KIF11: variants seen among roughly 807,000 people sequenced by gnomAD.
KIF11 encodes kinesin-like protein KIF11.
KIF11 carries 9 observed loss-of-function variants against 121.0 expected under a neutral mutation model. That is an observed-to-expected ratio of 0.07 (90% CI 0.04 to 0.13). The LOEUF (loss-of-function observed/expected upper bound fraction) is 0.13, where lower values mean the gene tolerates loss of function less well. KIF11 is among the 10% of genes least tolerant of loss of function. The pLI, the probability that KIF11 is intolerant of heterozygous loss-of-function variation, is 1.00. For missense variants in KIF11, 846 were observed against 1,217.5 expected, an observed-to-expected ratio of 0.69 and a Z score of 4.54; for synonymous variants, 408 against 421.0, an observed-to-expected ratio of 0.97 and a Z score of 0.38.
At chr10:92,635,680 G>A (rs1030776112) in intron 14 of KIF11, among the ~76,000 whole-genome samples, 4 of 152,198 alleles carry the variant, frequency 2.6e-5, no homozygotes, top group Admixed American at 6.5e-5. Context: ...GTGAGCACAT[G>A]ATATTTGAAA....
In KIF11 at chr10:92,651,507, G is replaced by GTATTTTTTTTTTTTTTTTTTTTTT. The variant is rs1554863366; in HGVS notation, c.3039+991_3039+992insATTTTTTTTTTTTTTTTTTTTTTT. On this transcript the variant is annotated intron_variant, in intron 21 of 21. Transcript: ENST00000260731. ...TGTGCCACCATGCCTGGCTAATTTT[G>GTATTTTTTTTTTTTTTTTTTTTTT]TTTTTTTTTTTTTTTTTTTTTTTTT... Among the ~76,000 whole-genome samples the GTATTTTTTTTTTTTTTTTTTTTTT allele has an allele frequency of 5.7e-5, 3 of 52,956 alleles. 1 individual carries two copies. The highest frequency in any genetic ancestry group is 9.7e-4 in the South Asian group (1 of 1,030). The allele number at this position is 52,956 out of a possible 152,430, so 34.7% of individuals were successfully genotyped here.
intron 10 of KIF11, 74 bp downstream of exon 10, chr10:92,621,547 T>C (rs143914974): frequency 1.6e-4 from 137 of 856,154 alleles, no homozygotes; most frequent in African/African-American, 1.4e-3. Flanking sequence ...GTAAAACTTA[T>C]GTAGCAGTAA....
chr10:92,632,965 T>C (rs1227590094), intron 13 of KIF11, among the ~76,000 whole-genome samples: 2 of 149,312 alleles, frequency 1.3e-5, no homozygotes, highest in Non-Finnish European at 3.0e-5. Flanking sequence ...TCTTTTTCCC[T>C]GACTCCGGCT....
intron 17 of KIF11, 65 bp from the exon 18 acceptor site, chr10:92,645,298 G>T: frequency 8.4e-7 from 1 of 1,196,816 alleles, no homozygotes; most frequent in Non-Finnish European, 1.2e-6. Flanking sequence ...GAGTGATCTT[G>T]GGAAGTTATA....
At position 92,613,731 on chromosome 10, in the gene KIF11, C is replaced by T. The variant is rs1844520272; in HGVS notation, c.1032+112C>T. On this transcript the variant is annotated intron_variant, in intron 8 of 21. Transcript: ENST00000260731. The surrounding 1 kb of genome is among the most constrained non-coding windows in gnomAD (Gnocchi z 4.2). ...GGACACAGTGACTCACACCTGTAAA[C>T]CCAGCACTTTGGAAGTCCAAGGTGG... The T allele has an allele frequency of 1.9e-6, 2 of 1,065,888 alleles. No individual in the cohort carries two copies. Among genetic ancestry groups the T allele is most frequent in the South Asian group, 1.7e-5 (1 of 58,100 alleles). The allele number at this position is 1,065,888 out of a possible 1,614,324, so 66.0% of individuals were successfully genotyped here.
At chr10:92,636,461 C>T (rs371087412) in intron 14 of KIF11, among the ~76,000 whole-genome samples, 21 of 150,380 alleles carry the variant, frequency 1.4e-4, no homozygotes, top group Non-Finnish European at 2.4e-4. Context: ...TACTGAAATA[C>T]AAACATTAGC....
Position 92,639,783 on chromosome 10 carries a change from C to T in KIF11, c.2161-11C>T. 1 of 1,548,596 alleles carries T rather than the reference C, an allele frequency of 6.5e-7. No individual in the cohort carries two copies. ...TTTTAAGTCTCTTCACTTCCCACAC[C>T]TTTCTTACAGGAACTTTGCAAGTTA... On this transcript the variant is annotated splice_polypyrimidine_tract_variant and intron_variant, in intron 16 of 21. Coordinates refer to ENST00000260731, the MANE Select transcript of KIF11 (RefSeq NM_004523.4).
chr10:92,634,956 G>T (rs1360558596), intron 14 of KIF11, among the ~76,000 whole-genome samples: 1 of 152,200 alleles, frequency 6.6e-6, no homozygotes, highest in Non-Finnish European at 1.5e-5. Flanking sequence ...CCCCTTCTGG[G>T]CCATAACTAT....
In KIF11 at chr10:92,649,827, C is replaced by T. The variant is rs376991078; in HGVS notation, c.2771-8C>T. The T allele has an allele frequency of 2.7e-5, 42 of 1,580,584 alleles. No homozygotes were observed. The African/African-American group carries it at 4.0e-4, about 15-fold the overall frequency. On this transcript the variant is annotated splice_region_variant and splice_polypyrimidine_tract_variant and intron_variant, in intron 19 of 21. Transcript: ENST00000260731. ...TAATTTTTACCTCTTATCTAATGTC[C>T]GTTAAAGGTACGACACCACAGAGGA...
At position 92,614,117 on chromosome 10, in the gene KIF11, G is replaced by A. The variant is rs1372996936; in HGVS notation, c.1032+498G>A. ...AGTAGCTTCATTTTTTTTTTTTTGAGACAAATCCCACTCTTGTCCCCCAGA... is the reference window on the plus strand; with the variant it reads ...AGTAGCTTCATTTTTTTTTTTTTGAAACAAATCCCACTCTTGTCCCCCAGA... On this transcript the variant is annotated intron_variant, in intron 8 of 21. Transcript: ENST00000260731. Among the ~76,000 whole-genome samples, 4 of 122,528 alleles carry A rather than the reference G, an allele frequency of 3.3e-5. No homozygotes were observed. The East Asian group carries it at 8.7e-4, about 27-fold the overall frequency. 80.4% of individuals were successfully genotyped at this position (122,528 alleles called of 152,430 possible). A position where few individuals can be genotyped will look rare whatever the true frequency, so the allele number is the denominator to read the frequency against.
Position 92,648,298 on chromosome 10 carries a change from C to T in KIF11, c.2634C>T (p.Asn878=). Residue 878 remains asparagine (N), a synonymous_variant, in exon 19 of 22, where the codon AAC becomes AAT. Coordinates refer to ENST00000260731, the MANE Select transcript of KIF11 (RefSeq NM_004523.4). ...AGGCAGCTCATGAGAAACAGCATAA[C>T]ATTTTTCTTGATCAGATGACTATTG... ...GRKAAHEKQH[N]IFLDQMTIDE... is the part of the protein sequence containing the mutation. 6.2e-7 allele frequency: 1 copy of T among 1,612,618 alleles called. No homozygotes were observed. Among genetic ancestry groups the T allele is most frequent in the Non-Finnish European group, 8.5e-7 (1 of 1,178,764 alleles).
At position 92,645,683 on chromosome 10, in the gene KIF11, T is replaced by C. The variant is rs765221293; in HGVS notation, c.2547+41T>C. 7.8e-6 allele frequency: 11 copies of C among 1,415,832 alleles called. No individual in the cohort carries two copies. In the East Asian group the frequency reaches 2.5e-4, roughly 33 times the overall value. 87.7% of individuals were successfully genotyped at this position (1,415,832 alleles called of 1,614,324 possible). Reference sequence around the variant, plus strand: ...GTGGAACTTACTTTGGGGAGAATAATAATCAGAAAGTTAAATATTCTTGGC... The same window carrying C: ...GTGGAACTTACTTTGGGGAGAATAACAATCAGAAAGTTAAATATTCTTGGC... On this transcript the variant is annotated intron_variant, in intron 18 of 21. Coordinates refer to ENST00000260731, the MANE Select transcript of KIF11 (RefSeq NM_004523.4).
At chr10:92,633,543 T>G in intron 13 of KIF11, 80 bp from the exon 14 acceptor site, 1 of 1,021,978 alleles carries the variant, frequency 9.8e-7, no homozygotes, top group Non-Finnish European at 1.5e-6. Flanking sequence ...TATACTTTTG[T>G]CAACTTCTTT....
chr10:92,646,729 G>C (rs548294492), intron 18 of KIF11, among the ~76,000 whole-genome samples: 2 of 152,160 alleles, frequency 1.3e-5, no homozygotes, highest in Middle Eastern at 6.8e-3. Context: ...TAAAACTTAC[G>C]AACTCATAAA....
chr10:92,600,556 G>A (rs1268359893), intron 1 of KIF11, among the ~76,000 whole-genome samples: 1 of 151,890 alleles, frequency 6.6e-6, no homozygotes, highest in Non-Finnish European at 1.5e-5. Flanking sequence ...TCACCAGGCT[G>A]GAGTGCAGTG....
At position 92,616,849 on chromosome 10, in the gene KIF11, G is replaced by T. The variant is rs754831198; in HGVS notation, c.1128+17G>T. 2 of 1,280,620 alleles carry T rather than the reference G, an allele frequency of 1.6e-6. No individual in the cohort carries two copies. Among genetic ancestry groups the T allele is most frequent in the South Asian group, 2.5e-5 (2 of 79,898 alleles). The allele number at this position is 1,280,620 out of a possible 1,614,324, so 79.3% of individuals were successfully genotyped here. A position where few individuals can be genotyped will look rare whatever the true frequency, so the allele number is the denominator to read the frequency against. On this transcript the variant is annotated intron_variant, in intron 9 of 21. Transcript: ENST00000260731. Reference sequence around the variant, plus strand: ...CTTATTAAGGTAACTGTGAATTTTTGTAGAGTAATGTAATCTTGTTTGACA... The same window carrying T: ...CTTATTAAGGTAACTGTGAATTTTTTTAGAGTAATGTAATCTTGTTTGACA...
At position 92,649,974 on chromosome 10, in the gene KIF11, A is replaced by G. The variant is rs558082235; in HGVS notation, c.2910A>G (p.Glu970=). ...TAAACTGTTCAGAAAACAACAAAGA[A>G]GAGACAATTCCGGTAAATTTAAAGG... ...MMLNCSENNK[E]ETIPDVDVEE... The change falls in exon 20 of 22, where the codon GAA becomes GAG. Residue 970 remains glutamate, a synonymous_variant. Coordinates refer to ENST00000260731, the MANE Select transcript of KIF11 (RefSeq NM_004523.4). The G allele has an allele frequency of 3.7e-6, 6 of 1,609,722 alleles. No individual in the cohort carries two copies. Among genetic ancestry groups the G allele is most frequent in the African/African-American group, 1.3e-5 (1 of 74,960 alleles).
intron 8 of KIF11, among the ~76,000 whole-genome samples, chr10:92,614,014 ATG>A: frequency 8.6e-6 from 1 of 116,454 alleles, no homozygotes; most frequent in Middle Eastern, 3.8e-3. Context: ...AAAGAAAAGT[ATG>A]TGTATACACA....
intron 1 of KIF11, among the ~76,000 whole-genome samples, chr10:92,593,928 T>G (rs1305619167): frequency 6.6e-6 from 1 of 152,226 alleles, no homozygotes; most frequent in Non-Finnish European, 1.5e-5. Flanking sequence ...GAGTTTATGT[T>G]TTTTAAAAGA....
Sources: allele counts gnomAD v4.1 joint callset (sites outside exome capture counted in the v4.1 genomes callset), GRCh38; gene constraint gnomAD v4.1.1; non-coding constraint Gnocchi (gnomAD v3.1); transcripts MANE v1.5; gene names NCBI Gene and HGNC (gene_info 2026-07-23, HGNC 2026-07-21).